Variants in MAP4 observed in about 807,000 individuals in gnomAD.
MAP4 encodes the protein microtubule associated protein 4, also known as microtubule-associated protein 4.
Under a neutral mutation model 170.2 loss-of-function variants are expected in MAP4, and 76 were observed. The observed-to-expected ratio is 0.45, with a 90% CI of 0.37 to 0.54. The LOEUF (loss-of-function observed/expected upper bound fraction) is 0.54, where lower values mean the gene tolerates loss of function less well. MAP4 is among the 20% of genes least tolerant of loss of function. MAP4 has a pLI of 0.00. For synonymous variants in MAP4, 909 were observed against 994.5 expected, an observed-to-expected ratio of 0.91 and a Z score of 1.62; for missense variants, 2,506 against 2,748.0, an observed-to-expected ratio of 0.91 and a Z score of 1.97.
chr3:48,013,801 C>T (rs2100106514), intron 1 of MAP4, among the ~76,000 whole-genome samples: 2 of 151,506 alleles, frequency 1.3e-5, no homozygotes. Context: ...CTGACTGGAG[C>T]TTAAGAAACT....
Position 47,916,704 on chromosome 3 carries a change from C to T in MAP4, c.1123G>A (p.Glu375Lys). Reference protein sequence around the residue: ...APSKDMGPPKENKKETERASP... With the variant: ...APSKDMGPPKKNKKETERASP... ...GCCCTCTCTGTTTCTTTCTTGTTTT[C>T]TTTGGGTGGTCCCATGTCCTTGGAA... Residue 375 changes from glutamate to lysine, a missense_variant, in exon 7 of 21, where the codon GAA (glutamate) becomes AAA (lysine). Physicochemically the swap from Glu to Lys is moderately conservative, Grantham distance 56. Coordinates refer to ENST00000683076, the MANE Select transcript of MAP4 (RefSeq NM_001385682.1). 1 of 1,614,078 alleles carries T rather than the reference C, an allele frequency of 6.2e-7. No individual in the cohort carries two copies. The highest frequency in any genetic ancestry group is 8.5e-7 in the Non-Finnish European group (1 of 1,179,998).
rs545127268 is a variant in MAP4, at chr3:47,974,455, T to G, written c.292+3410A>C. ...AAAAACAATGTATATCTCAAAATCT[T>G]TCTCAGAACATGGTGCCAATTATTT... On this transcript the variant is annotated intron_variant, in intron 3 of 20. Coordinates refer to ENST00000683076, the MANE Select transcript of MAP4 (RefSeq NM_001385682.1). 373 of 983,910 alleles carry G rather than the reference T, an allele frequency of 3.8e-4. 4 individuals are homozygous for G. In the South Asian group the frequency reaches 0.014, roughly 38 times the overall value. The allele number at this position is 983,910 out of a possible 1,614,324, so 60.9% of individuals were successfully genotyped here. A position where few individuals can be genotyped will look rare whatever the true frequency, so the allele number is the denominator to read the frequency against.
At chr3:47,993,710 G>A (rs1457179275) in intron 2 of MAP4, among the ~76,000 whole-genome samples, 1 of 152,220 alleles carries the variant, frequency 6.6e-6, no homozygotes, top group Admixed American at 6.5e-5. Context: ...CACAATCAAA[G>A]CAATGGCTAC....
intron 1 of MAP4, among the ~76,000 whole-genome samples, chr3:48,080,885 G>A (rs1239000662): frequency 6.6e-6 from 1 of 152,218 alleles, no homozygotes; most frequent in Admixed American, 6.5e-5. Context: ...AGCACTTTGG[G>A]AGGCCAAGGT....
chr3:47,874,927 C>T (rs1305201364), intron 12 of MAP4, among the ~76,000 whole-genome samples: 2 of 150,968 alleles, frequency 1.3e-5, no homozygotes, highest in Non-Finnish European at 2.9e-5. Flanking sequence ...GACCTAAAGG[C>T]CCTTCTCAAA....
At chr3:47,901,086 C>T (rs982841100) in intron 10 of MAP4, among the ~76,000 whole-genome samples, 1 of 152,138 alleles carries the variant, frequency 6.6e-6, no homozygotes, top group African/African-American at 2.4e-5. Flanking sequence ...AATTCTTTAC[C>T]TTAATTTGCT....
intron 6 of MAP4, among the ~76,000 whole-genome samples, chr3:47,918,437 TA>T (rs1168427192): frequency 1.2e-4 from 17 of 147,770 alleles, no homozygotes; most frequent in South Asian, 2.1e-4. Flanking sequence ...TGTACTGAAT[TA>T]AAAAAAAAAA....
chr3:48,078,125 C>A (rs2100144856), intron 1 of MAP4, among the ~76,000 whole-genome samples: 1 of 152,002 alleles, frequency 6.6e-6, no homozygotes, highest in East Asian at 1.9e-4. Flanking sequence ...TGTGAATACA[C>A]CAAAAACCAC....
chr3:48,045,743 C>T (rs1044073790), intron 1 of MAP4, among the ~76,000 whole-genome samples: 1 of 152,132 alleles, frequency 6.6e-6, no homozygotes, highest in Non-Finnish European at 1.5e-5. Flanking sequence ...GGGTTTCACC[C>T]TGTTAGCCAG....
Position 47,891,083 on chromosome 3 carries a change from A to G in MAP4, c.5434+11867T>C, listed in dbSNP as rs555820373. ...AGTGCTCTGGGTTGCAGTGACCTCA[A>G]TTTCTTTCTTCCCTGCCAGAGCCGT... On this transcript the variant is annotated intron_variant, in intron 10 of 20. Transcript: ENST00000683076. 6.3e-5 allele frequency: 97 copies of G among 1,533,896 alleles called. No individual in the cohort carries two copies. The African/African-American group carries it at 7.7e-4, about 12-fold the overall frequency.
intron 2 of MAP4, among the ~76,000 whole-genome samples, chr3:47,991,532 C>T (rs1473894049): frequency 4.6e-5 from 7 of 152,126 alleles, no homozygotes; most frequent in African/African-American, 1.4e-4. Context: ...GCAAGGCACG[C>T]GCACCTGTAG....
chr3:47,858,630 G>GCGT (rs2060669001), intron 17 of MAP4, among the ~76,000 whole-genome samples: 1 of 150,428 alleles, frequency 6.6e-6, no homozygotes, highest in African/African-American at 2.5e-5. Context: ...TTGTGTGTGT[G>GCGT]TGTGTGTGTG....
chr3:48,077,799 G>A (rs1308953589), intron 1 of MAP4, among the ~76,000 whole-genome samples: 1 of 152,076 alleles, frequency 6.6e-6, no homozygotes, highest in Non-Finnish European at 1.5e-5. Context: ...TTCATCAATG[G>A]ATGAATGCAT....
intron 10 of MAP4, 121 bp from the exon 11 acceptor site, chr3:47,877,644 G>A: frequency 1.6e-6 from 1 of 618,330 alleles, no homozygotes; most frequent in Non-Finnish European, 2.8e-6. Context: ...AAAGTCCACA[G>A]GGTTGTGCTG....
At chr3:48,012,565 T>C (rs1274442508) in intron 1 of MAP4, among the ~76,000 whole-genome samples, 1 of 152,140 alleles carries the variant, frequency 6.6e-6, no homozygotes, top group Admixed American at 6.5e-5. Context: ...AAAACACCAA[T>C]ACATTTTAAA....
At chr3:47,864,633 C>T (rs1268275550) in intron 17 of MAP4, among the ~76,000 whole-genome samples, 1 of 152,194 alleles carries the variant, frequency 6.6e-6, no homozygotes, top group African/African-American at 2.4e-5. Context: ...GCCGAGATCG[C>T]ACCACTGCAC....
chr3:48,045,635 T>C (rs761241247), intron 1 of MAP4, among the ~76,000 whole-genome samples: 31 of 152,198 alleles, frequency 2.0e-4, no homozygotes, highest in Non-Finnish European at 3.7e-4. Flanking sequence ...CTAGAGAACA[T>C]AGAAATATTG....
chr3:48,034,395 T>C (rs569883552), intron 1 of MAP4, among the ~76,000 whole-genome samples: 7 of 152,168 alleles, frequency 4.6e-5, no homozygotes, highest in Admixed American at 1.3e-4. Flanking sequence ...AGCTCACACA[T>C]TGACCATTTA....
Position 47,909,751 on chromosome 3 carries a change from C to T in MAP4, c.4670G>A (p.Ser1557Asn), listed in dbSNP as rs372930305. The part of the protein sequence containing the change: ...HVIGESESVH[S>N]GASKHSVEKV... Reference sequence around the variant, plus strand: ...CTCTACTGAATGCTTAGACGCACCACTGTGCACTGACTCAGATTCTCCTAT... The same window carrying T: ...CTCTACTGAATGCTTAGACGCACCATTGTGCACTGACTCAGATTCTCCTAT... Residue 1557 changes from serine (S) to asparagine (N), a missense_variant, in exon 9 of 21, where the codon AGT (serine) becomes AAT (asparagine). By Grantham distance (46) the Ser-to-Asn change is conservative. Coordinates refer to ENST00000683076, the MANE Select transcript of MAP4 (RefSeq NM_001385682.1). 11 of 1,613,938 alleles carry T rather than the reference C, an allele frequency of 6.8e-6. No homozygotes were observed. The highest frequency in any genetic ancestry group is 9.3e-6 in the Non-Finnish European group (11 of 1,179,894).
Sources: gnomAD v4.1 joint callset for allele counts (sites outside exome capture counted in the v4.1 genomes callset) on GRCh38, gnomAD v4.1.1 for gene constraint, MANE v1.5 for transcripts, NCBI Gene and HGNC (gene_info 2026-07-23, HGNC 2026-07-21) for gene names.